KIAA1958: variants seen among roughly 807,000 people sequenced by gnomAD.
KIAA1958 encodes the protein uncharacterized protein KIAA1958.
In KIAA1958, 14 loss-of-function variants were observed where a neutral mutation model predicts 47.2. That is an observed-to-expected ratio of 0.30 (90% confidence interval 0.20 to 0.46). The LOEUF (loss-of-function observed/expected upper bound fraction) is 0.46. Among genes scored for constraint, KIAA1958 ranks in the 20% least tolerant of loss-of-function variants. The probability of loss-of-function intolerance (pLI) is 1.00; values close to 1 mark genes in which losing one functional copy is unlikely to be tolerated. For synonymous variants in KIAA1958, 354 were observed against 353.3 expected, an observed-to-expected ratio of 1.00 and a Z score of -0.02; for missense variants, 803 against 909.2, an observed-to-expected ratio of 0.88 and a Z score of 1.50.
At position 112,574,391 on chromosome 9, in the gene KIAA1958, G is replaced by A; in HGVS notation, c.311G>A (p.Gly104Glu). ...ACTAGCCCTGTTGAAAGGTACCCTG[G>A]GAGACCAGTGAAAGCAAAGCTAGAC... Reference protein sequence around the residue: ...TQTSPVERYPGRPVKAKLDCN... With the variant: ...TQTSPVERYPERPVKAKLDCN... The change falls in exon 2 of 4, where the codon GGG (glycine) becomes GAG (glutamate). Residue 104 changes from glycine (G) to glutamate (E), a missense_variant. Around this residue, in one of 2 missense-constraint regions of KIAA1958, gnomAD observed 761 missense variants for 829.3 expected, o/e 0.92. Coordinates refer to ENST00000337530, the MANE Select transcript of KIAA1958 (RefSeq NM_133465.4). 3.7e-6 allele frequency: 6 copies of A among 1,614,098 alleles called. No homozygotes were observed. Among genetic ancestry groups the A allele is most frequent in the East Asian group, 2.2e-5 (1 of 44,884 alleles).
In KIAA1958 at chr9:112,618,884, G is replaced by A. The variant is rs3780687; in HGVS notation, c.1172-26766G>A. 6.1e-5 allele frequency: 94 copies of A among 1,547,314 alleles called. No individual in the cohort carries two copies. The East Asian group carries it at 1.6e-3, about 27-fold the overall frequency. The stretch of plus-strand genomic sequence containing the variant: ...CAACAATGGCAATTTCATCGTCTCC[G>A]CCTCCTATGACTCTTCCTCAGACAC... On this transcript the variant is annotated intron_variant, in intron 2 of 3. Transcript: ENST00000337530. The surrounding 1 kb of genome is among the most constrained non-coding windows in gnomAD (Gnocchi z 7.1).
intron 2 of KIAA1958, among the ~76,000 whole-genome samples, chr9:112,605,014 A>G (rs1450471016): frequency 1.4e-5 from 2 of 147,308 alleles, no homozygotes; most frequent in Non-Finnish European, 3.0e-5. Flanking sequence ...TATGTTATAT[A>G]TTTTATATGT....
intron 2 of KIAA1958, among the ~76,000 whole-genome samples, chr9:112,640,915 G>T (rs186412292): frequency 6.6e-6 from 1 of 151,936 alleles, no homozygotes; most frequent in African/African-American, 2.4e-5. Context: ...TCTACCTTTT[G>T]CTAGATAGAT....
intron 1 of KIAA1958, among the ~76,000 whole-genome samples, chr9:112,505,911 G>A (rs1485821230): frequency 6.6e-6 from 1 of 152,226 alleles, no homozygotes; most frequent in Non-Finnish European, 1.5e-5. Context: ...ACAAACAGCA[G>A]TGAGGGGGGA....
intron 3 of KIAA1958, among the ~76,000 whole-genome samples, chr9:112,651,933 A>G (rs1837060114): frequency 6.6e-6 from 1 of 152,188 alleles, no homozygotes; most frequent in African/African-American, 2.4e-5. Flanking sequence ...AAAATCAATG[A>G]ATGTGAAACA....
At chr9:112,566,506 C>T (rs920742268) in intron 1 of KIAA1958, among the ~76,000 whole-genome samples, 3 of 152,154 alleles carry the variant, frequency 2.0e-5, no homozygotes, top group African/African-American at 7.2e-5. Flanking sequence ...CCTGTAGTCC[C>T]AGCTACTCTG....
At chr9:112,585,955 G>A (rs781727694) in intron 2 of KIAA1958, among the ~76,000 whole-genome samples, 1 of 152,186 alleles carries the variant, frequency 6.6e-6, no homozygotes, top group Non-Finnish European at 1.5e-5. Context: ...AGCCTACAAA[G>A]TGCCAAGTTC....
intron 1 of KIAA1958, among the ~76,000 whole-genome samples, chr9:112,493,762 G>A (rs1834009131): frequency 6.6e-6 from 1 of 152,096 alleles, no homozygotes; most frequent in African/African-American, 2.4e-5. Flanking sequence ...TTTATCTGTG[G>A]CTTTTATAGT....
At chr9:112,625,527 G>A (rs1476065022) in intron 2 of KIAA1958, among the ~76,000 whole-genome samples, 1 of 151,830 alleles carries the variant, frequency 6.6e-6, no homozygotes, top group East Asian at 1.9e-4. Context: ...CACCCTGTTA[G>A]GGTGTGAGCT....
intron 1 of KIAA1958, among the ~76,000 whole-genome samples, chr9:112,537,759 T>A (rs1834880364): frequency 6.6e-6 from 1 of 152,254 alleles, no homozygotes; most frequent in Non-Finnish European, 1.5e-5. Context: ...TATCTATCGC[T>A]GTATCCAGGC....
intron 1 of KIAA1958, among the ~76,000 whole-genome samples, chr9:112,511,824 T>G (rs562467690): frequency 9.9e-5 from 15 of 152,182 alleles, no homozygotes; most frequent in Non-Finnish European, 2.1e-4. Flanking sequence ...ATTACCAATA[T>G]TAGGACTGAG....
At chr9:112,624,251 G>C (rs1027200995) in intron 2 of KIAA1958, among the ~76,000 whole-genome samples, 1 of 152,232 alleles carries the variant, frequency 6.6e-6, no homozygotes, top group Admixed American at 6.5e-5. Context: ...ATATGTCTCT[G>C]TACATCTACC....
intron 2 of KIAA1958, among the ~76,000 whole-genome samples, chr9:112,638,384 C>T (rs1292192327): frequency 2.0e-5 from 3 of 151,810 alleles, no homozygotes; most frequent in Admixed American, 1.3e-4. Context: ...TGCAGGTAGT[C>T]CTAGCTACTC....
intron 1 of KIAA1958, among the ~76,000 whole-genome samples, chr9:112,533,908 A>G (rs1834810023): frequency 6.6e-6 from 1 of 152,208 alleles, no homozygotes; most frequent in Non-Finnish European, 1.5e-5. Flanking sequence ...GGACACAGCC[A>G]AACCATATCA....
At chr9:112,497,702 TA>T (rs375357524) in intron 1 of KIAA1958, among the ~76,000 whole-genome samples, 128 of 152,298 alleles carry the variant, frequency 8.4e-4, no homozygotes, top group African/African-American at 2.9e-3. Flanking sequence ...ATTTAAAACT[TA>T]ATTAAAAAGT....
intron 2 of KIAA1958, among the ~76,000 whole-genome samples, chr9:112,611,364 A>G (rs1383928645): frequency 6.6e-6 from 1 of 152,184 alleles, no homozygotes; most frequent in Non-Finnish European, 1.5e-5. Context: ...ATTATCAACT[A>G]AAAATCTTGG....
chr9:112,555,420 C>T (rs541818290), intron 1 of KIAA1958, among the ~76,000 whole-genome samples: 118 of 152,310 alleles, frequency 7.7e-4, no homozygotes, highest in African/African-American at 2.5e-3. Flanking sequence ...GGTGTTCACC[C>T]TCCTGCCTTG....
At chr9:112,522,001 C>T (rs926764101) in intron 1 of KIAA1958, among the ~76,000 whole-genome samples, 10 of 65,510 alleles carry the variant, frequency 1.5e-4, no homozygotes, top group African/African-American at 3.6e-4. Flanking sequence ...AGACGAGTTT[C>T]GCTCTTGTTA....
rs111735192 is a variant in KIAA1958, at chr9:112,613,784, T to C, written c.1172-31866T>C. On this transcript the variant is annotated intron_variant, in intron 2 of 3. Coordinates refer to ENST00000337530, the MANE Select transcript of KIAA1958 (RefSeq NM_133465.4). The stretch of plus-strand genomic sequence containing the variant: ...AAAGGTTAACAGTATTTAGTGTTGC[T>C]GAAGATAATGGAGCACCTTTTCCTC... 1.1e-4 allele frequency among the ~76,000 whole-genome samples: 17 copies of C among 152,322 alleles called. 2 individuals carry two copies. The highest frequency in any genetic ancestry group is 4.1e-4 in the African/African-American group (17 of 41,566).
Sources: gnomAD v4.1 joint callset for allele counts (sites outside exome capture counted in the v4.1 genomes callset) on GRCh38, gnomAD v4.1.1 for gene constraint, gnomAD v4.1.1 regional missense constraint, Gnocchi (gnomAD v3.1) non-coding constraint, MANE v1.5 for transcripts, NCBI Gene and HGNC (gene_info 2026-07-23, HGNC 2026-07-21) for gene names.